The following ACSM5 variants were observed in gnomAD, a reference collection of about 807,000 sequenced individuals.
The protein encoded by ACSM5 is acyl-coenzyme A synthetase ACSM5, mitochondrial.
A neutral mutation model predicts 71.6 loss-of-function variants in ACSM5; 56 were observed. The ratio of observed to expected loss-of-function variants is 0.78; its 90% CI spans 0.63 to 0.98. The LOEUF (loss-of-function observed/expected upper bound fraction) is 0.98, where lower values mean the gene tolerates loss of function less well. Among genes scored for constraint, ACSM5 ranks in the 50% least tolerant of loss-of-function variants. The probability of loss-of-function intolerance (pLI) is 0.00; values close to 1 mark genes in which losing one functional copy is unlikely to be tolerated. For missense variants in ACSM5, 723 were observed against 726.0 expected (o/e 1.00, Z 0.05); for synonymous variants, 285 against 281.5 (o/e 1.01, Z -0.12).
chr16:20,432,165 T>C (rs1418139380), intron 10 of ACSM5, among the ~76,000 whole-genome samples: 2 of 152,094 alleles, frequency 1.3e-5, no homozygotes, highest in Non-Finnish European at 2.9e-5. Flanking sequence ...CAGCTTTCTC[T>C]ATAAAACTCT....
chr16:20,427,738 TC>T (rs765704948), intron 6 of ACSM5, 49 bp from the exon 7 acceptor site: 5 of 1,280,430 alleles, frequency 3.9e-6, no homozygotes, highest in Admixed American at 1.7e-5. Flanking sequence ...ATCTTCATGG[TC>T]CCACCCCAAT....
rs372074703 is a variant in ACSM5, at chr16:20,429,771, G to A, written c.1095G>A (p.Glu365=). ...REKWKHQTGV[E]LYEGYGQSET... ...AGTGGAAACACCAGACTGGTGTGGAGCTGTACGAAGGCTATGGCCAGTCTG... is the reference window on the plus strand; with the variant it reads ...AGTGGAAACACCAGACTGGTGTGGAACTGTACGAAGGCTATGGCCAGTCTG... The change falls in exon 8 of 14, where the codon GAG becomes GAA. Residue 365 remains glutamate, a synonymous_variant. Coordinates refer to ENST00000331849, the MANE Select transcript of ACSM5 (RefSeq NM_017888.3). 6.8e-5 allele frequency: 110 copies of A among 1,611,900 alleles called. No individual in the cohort carries two copies. The highest frequency in any genetic ancestry group is 2.5e-4 in the East Asian group (11 of 44,802).
chr16:20,432,172 C>T (rs1218225197), intron 10 of ACSM5, among the ~76,000 whole-genome samples: 1 of 152,080 alleles, frequency 6.6e-6, no homozygotes, highest in Non-Finnish European at 1.5e-5. Context: ...CTCTATAAAA[C>T]TCTCAGACCT....
chr16:20,421,445 G>C, intron 5 of ACSM5, 44 bp downstream of exon 5: 3 of 1,487,808 alleles, frequency 2.0e-6, no homozygotes, highest in Non-Finnish European at 2.7e-6. Context: ...CAGAAAGTGG[G>C]GAGTGGTCTG....
intron 12 of ACSM5, among the ~76,000 whole-genome samples, chr16:20,439,553 G>A (rs962363027): frequency 6.6e-6 from 1 of 150,858 alleles, no homozygotes; most frequent in Non-Finnish European, 1.5e-5. Flanking sequence ...CCAAGTATGG[G>A]GAGTAATTTG....
At chr16:20,411,841 T>G in intron 2 of ACSM5, 153 bp downstream of exon 2, 1 of 754,526 alleles carries the variant, frequency 1.3e-6, no homozygotes, top group Non-Finnish European at 2.1e-6. Context: ...ATTTGAGACT[T>G]AGGAAAAAAT....
chr16:20,418,431 G>T (rs1966863095), intron 3 of ACSM5, among the ~76,000 whole-genome samples, 162 bp downstream of exon 3: 1 of 152,280 alleles, frequency 6.6e-6, no homozygotes, highest in East Asian at 1.9e-4. Context: ...TATAGTAGGG[G>T]CCAGACAATG....
At chr16:20,438,413 C>T (rs1246731389) in intron 12 of ACSM5, among the ~76,000 whole-genome samples, 1 of 151,816 alleles carries the variant, frequency 6.6e-6, no homozygotes, top group Non-Finnish European at 1.5e-5. Context: ...ATCATGATTA[C>T]TGGGAATGCA....
intron 10 of ACSM5, among the ~76,000 whole-genome samples, chr16:20,432,682 G>A (rs973141171): frequency 6.6e-6 from 1 of 152,022 alleles, no homozygotes; most frequent in African/African-American, 2.4e-5. Context: ...TGTGGAGCAG[G>A]ACTCTGGTAC....
chr16:20,427,106 G>A (rs932849232), intron 6 of ACSM5, among the ~76,000 whole-genome samples: 1 of 151,884 alleles, frequency 6.6e-6, no homozygotes, highest in East Asian at 1.9e-4. Flanking sequence ...TTAAAGACCA[G>A]CCTGGCCAGG....
At chr16:20,420,215 C>G (rs536121650) in intron 4 of ACSM5, among the ~76,000 whole-genome samples, 12 of 152,308 alleles carry the variant, frequency 7.9e-5, no homozygotes, top group Middle Eastern at 3.4e-3. Context: ...ATTCACCTGG[C>G]TGCTGTTTTG....
In ACSM5 at chr16:20,433,105, G is replaced by A. The variant is rs373766639; in HGVS notation, c.1308+1784G>A. ...ATTTCTGGCCTCAAGTGATCTGCCCGCCTCGGGCAACTCCCAAAGTGCTGG... is the reference window on the plus strand; with the variant it reads ...ATTTCTGGCCTCAAGTGATCTGCCCACCTCGGGCAACTCCCAAAGTGCTGG... On this transcript the variant is annotated intron_variant, in intron 10 of 13. Coordinates refer to ENST00000331849, the MANE Select transcript of ACSM5 (RefSeq NM_017888.3). Among the ~76,000 whole-genome samples, 19 of 152,164 alleles carry A rather than the reference G, an allele frequency of 1.2e-4. No homozygotes were observed. The South Asian group carries it at 2.5e-3, about 20-fold the overall frequency.
chr16:20,418,247 C>T lies in ACSM5; in HGVS notation c.393C>T (p.Val131=). The part of the protein sequence containing the change: ...VLPRLPEWWL[V]SVACMRTGTV... ...CACGGCTCCCGGAGTGGTGGCTGGT[C>T]AGTGTGGCTTGCATGCGGACAGGTC... The change falls in exon 3 of 14, where the codon GTC becomes GTT. Residue 131 remains valine, a synonymous_variant. Transcript: ENST00000331849. 1.2e-6 allele frequency: 2 copies of T among 1,611,776 alleles called. No homozygotes were observed. Among genetic ancestry groups the T allele is most frequent in the Non-Finnish European group, 1.7e-6 (2 of 1,179,650 alleles).
rs751966343 is a variant in ACSM5, at chr16:20,437,219, A to G, written c.1436+40A>G. 154 of 1,613,942 alleles carry G rather than the reference A, an allele frequency of 9.5e-5. 1 individual carries two copies. The highest frequency in any genetic ancestry group is 1.2e-4 in the Non-Finnish European group (146 of 1,179,966). On this transcript the variant is annotated intron_variant, in intron 11 of 13. Coordinates refer to ENST00000331849, the MANE Select transcript of ACSM5 (RefSeq NM_017888.3). ...ACTTTCCTCCTTCCTTTGAAATTTC[A>G]TGGGGGTTGAGGGAAGCCCACTTGG...
intron 1 of ACSM5, 109 bp from the exon 2 acceptor site, chr16:20,411,361 T>C (rs1422155145): frequency 7.3e-6 from 6 of 826,444 alleles, no homozygotes; most frequent in Non-Finnish European, 1.2e-5. Flanking sequence ...TACAAGTCAG[T>C]AAGGATCACA....
At chr16:20,418,678 T>A (rs1966864030) in intron 3 of ACSM5, among the ~76,000 whole-genome samples, 1 of 152,224 alleles carries the variant, frequency 6.6e-6, no homozygotes, top group East Asian at 1.9e-4. Context: ...TAAAAAGTCC[T>A]GACTGGGACA....
intron 7 of ACSM5, among the ~76,000 whole-genome samples, chr16:20,428,767 T>C (rs1489124700): frequency 1.3e-5 from 2 of 152,154 alleles, no homozygotes; most frequent in African/African-American, 2.4e-5. Flanking sequence ...AAGAACAATG[T>C]CGTTGAATGC....
chr16:20,438,264 C>T (rs1355441931), intron 12 of ACSM5, among the ~76,000 whole-genome samples: 1 of 151,956 alleles, frequency 6.6e-6, no homozygotes, highest in South Asian at 2.1e-4. Context: ...AAAGTTAGTG[C>T]AACATTAGCC....
At chr16:20,412,627 A>G (rs979702050) in intron 2 of ACSM5, among the ~76,000 whole-genome samples, 8 of 152,214 alleles carry the variant, frequency 5.3e-5, no homozygotes, top group Non-Finnish European at 8.8e-5. Context: ...ATTTCAACCA[A>G]TGTGAAGCTT....
Sources: gnomAD v4.1 joint callset for allele counts (sites outside exome capture counted in the v4.1 genomes callset) on GRCh38, gnomAD v4.1.1 for gene constraint, MANE v1.5 for transcripts, NCBI Gene and HGNC (gene_info 2026-07-23, HGNC 2026-07-21) for gene names.